Variants in CENPU observed in about 807,000 individuals in gnomAD.
The protein encoded by CENPU is centromere protein U.
In CENPU, 46 loss-of-function variants were observed where a neutral mutation model predicts 56.7. That is an observed-to-expected ratio of 0.81 (90% confidence interval 0.64 to 1.04). The LOEUF (loss-of-function observed/expected upper bound fraction) is 1.04, where lower values mean the gene tolerates loss of function less well. CENPU is among the 50% of genes least tolerant of loss of function. The pLI is 0.00. For missense variants in CENPU, 510 were observed against 490.1 expected (o/e 1.04, Z -0.38); for synonymous variants, 166 against 163.0 (o/e 1.02, Z -0.14).
intron 11 of CENPU, chr4:184,698,134 G>A (rs753454350): frequency 1.8e-4 from 38 of 213,816 alleles, no homozygotes; most frequent in Admixed American, 8.0e-4. Flanking sequence ...TCGCACCAGC[G>A]GAGCCAGGCA....
chr4:184,697,918 G>T, intron 11 of CENPU, 115 bp from the exon 12 acceptor site: 1 of 678,090 alleles, frequency 1.5e-6, no homozygotes, highest in East Asian at 2.8e-5. Context: ...TAGATGACTT[G>T]CTTTGGCTCT....
At chr4:184,719,822 G>A (rs1761216006) in intron 4 of CENPU, among the ~76,000 whole-genome samples, 1 of 152,178 alleles carries the variant, frequency 6.6e-6, no homozygotes, top group African/African-American at 2.4e-5. Flanking sequence ...GTAGCATAGG[G>A]CACCAGTCAG....
chr4:184,733,958 G>C, intron 1 of CENPU, 58 bp downstream of exon 1: 1 of 1,606,518 alleles, frequency 6.2e-7, no homozygotes, highest in Non-Finnish European at 8.5e-7. Context: ...CACGGCAGGC[G>C]AGGAAGCAGT....
chr4:184,706,266 G>T (rs1485549272), intron 8 of CENPU, among the ~76,000 whole-genome samples: 1 of 152,180 alleles, frequency 6.6e-6, no homozygotes, highest in Non-Finnish European at 1.5e-5. Flanking sequence ...CTACTCTGGA[G>T]GCTGAGATGG....
At chr4:184,713,656 C>A (rs1760996548) in intron 6 of CENPU, among the ~76,000 whole-genome samples, 1 of 152,110 alleles carries the variant, frequency 6.6e-6, no homozygotes, top group Non-Finnish European at 1.5e-5. Flanking sequence ...GCTCTCTTGC[C>A]ATAAACAACC....
intron 12 of CENPU, among the ~76,000 whole-genome samples, chr4:184,696,443 A>T (rs193158211): frequency 2.1e-4 from 32 of 152,320 alleles, no homozygotes; most frequent in Admixed American, 2.0e-3. Flanking sequence ...GCTTTTAACC[A>T]AAGTATTATG....
chr4:184,695,434 C>A lies in CENPU; in HGVS notation c.1144-33G>T, dbSNP rs376593392. On this transcript the variant is annotated intron_variant, in intron 12 of 12. Transcript: ENST00000281453. ...AAGAAAATTATATAATTAGCAATAT[C>A]AAAAACTCATAACCTTGTCCTTAGA... The A allele has an allele frequency of 6.8e-5, 100 of 1,478,426 alleles. No homozygotes were observed. The Middle Eastern group carries it at 6.9e-4, about 10-fold the overall frequency. The allele number at this position is 1,478,426 out of a possible 1,614,324, so 91.6% of individuals were successfully genotyped here. A position where few individuals can be genotyped will look rare whatever the true frequency, so the allele number is the denominator to read the frequency against.
At position 184,701,384 on chromosome 4, in the gene CENPU, T is replaced by G. The variant is rs1760530756; in HGVS notation, c.925-503A>C. ...GAAATGACCAATAAGAGATTAAAAC[T>G]GAAAAACAAAAACATCCCAGAGCTT... On this transcript the variant is annotated intron_variant, in intron 10 of 12. Transcript: ENST00000281453. Among the ~76,000 whole-genome samples, 4 of 152,294 alleles carry G rather than the reference T, an allele frequency of 2.6e-5. No individual in the cohort carries two copies. The South Asian group carries it at 8.3e-4, about 32-fold the overall frequency.
At chr4:184,722,182 C>T (rs4437295) in intron 4 of CENPU, among the ~76,000 whole-genome samples, 27,123 of 151,980 alleles carry the variant, frequency 0.18, 2,724 homozygotes, top group African/African-American at 0.26. Flanking sequence ...GAAAATTTTC[C>T]TGAGACAAAT....
chr4:184,726,356 TAAG>T (rs1207999657), intron 3 of CENPU, among the ~76,000 whole-genome samples: 40 of 147,802 alleles, frequency 2.7e-4, no homozygotes. Context: ...TAATCATACA[TAAG>T]AAGGTCAAAG....
chr4:184,718,744 T>C (rs927591431), intron 4 of CENPU, among the ~76,000 whole-genome samples: 4 of 152,128 alleles, frequency 2.6e-5, no homozygotes, highest in African/African-American at 9.7e-5. Context: ...AAACCAAGAC[T>C]GATTGCCCAG....
chr4:184,732,171 A>T (rs1462539631), intron 1 of CENPU, among the ~76,000 whole-genome samples: 20 of 152,156 alleles, frequency 1.3e-4, no homozygotes, highest in Admixed American at 1.3e-3. Flanking sequence ...TATGTTCACA[A>T]GCCTTTTGTT....
chr4:184,695,071 A>G lies in CENPU; in HGVS notation c.*217T>C. On this transcript the variant is annotated 3_prime_UTR_variant, in exon 13 of 13. Coordinates refer to ENST00000281453, the MANE Select transcript of CENPU (RefSeq NM_024629.4). ...GGTGTCAACATTTTAAAATTACTCA[A>G]GATATTAACCAGAAAAGATGATTAT... 1 of 536,294 alleles carries G rather than the reference A, an allele frequency of 1.9e-6. No individual in the cohort carries two copies. The allele number at this position is 536,294 out of a possible 1,614,324, so 33.2% of individuals were successfully genotyped here. A position where few individuals can be genotyped will look rare whatever the true frequency, so the allele number is the denominator to read the frequency against.
chr4:184,708,964 T>C (rs1579769632), intron 8 of CENPU, among the ~76,000 whole-genome samples: 1 of 152,124 alleles, frequency 6.6e-6, no homozygotes, highest in Non-Finnish European at 1.5e-5. Flanking sequence ...TGGGGAGTTA[T>C]AAATACAACT....
intron 8 of CENPU, among the ~76,000 whole-genome samples, chr4:184,704,286 G>A (rs915078675): frequency 4.0e-5 from 6 of 151,842 alleles, no homozygotes; most frequent in Middle Eastern, 6.3e-3. Context: ...ATGTTGCCCA[G>A]GCTCATTTTT....
Position 184,700,135 on chromosome 4 carries a change from G to T in CENPU, c.986+685C>A, listed in dbSNP as rs573073805. Among the ~76,000 whole-genome samples the T allele has an allele frequency of 2.4e-4, 37 of 152,232 alleles. 1 individual carries two copies. Among genetic ancestry groups the T allele is most frequent in the African/African-American group, 8.4e-4 (35 of 41,544 alleles). ...GCCTCTAGCTCTCACAACAGCCCTG[G>T]CCTCAAAACACACTTGGGGGCTGAC... On this transcript the variant is annotated intron_variant, in intron 11 of 12. Coordinates refer to ENST00000281453, the MANE Select transcript of CENPU (RefSeq NM_024629.4).
chr4:184,694,751 A>G lies in CENPU; in HGVS notation c.*537T>C, dbSNP rs756273134. 8.1e-6 allele frequency: 13 copies of G among 1,612,294 alleles called. No individual in the cohort carries two copies. The South Asian group carries it at 1.4e-4, about 18-fold the overall frequency. The stretch of plus-strand genomic sequence containing the variant: ...AGTGAAGTGGATGAAATTCCTGATG[A>G]ACTAATTATAGAAGTATTACAAGAG... On this transcript the variant is annotated 3_prime_UTR_variant, in exon 13 of 13. Coordinates refer to ENST00000281453, the MANE Select transcript of CENPU (RefSeq NM_024629.4).
At chr4:184,713,618 C>G (rs1302112931) in intron 6 of CENPU, among the ~76,000 whole-genome samples, 1 of 152,114 alleles carries the variant, frequency 6.6e-6, no homozygotes, top group African/African-American at 2.4e-5. Context: ...TCTGTTCCAG[C>G]TATGGTGAAG....
intron 8 of CENPU, among the ~76,000 whole-genome samples, chr4:184,707,380 G>A (rs1362423036): frequency 6.6e-6 from 1 of 152,000 alleles, no homozygotes; most frequent in African/African-American, 2.4e-5. Context: ...CCTGCCCCCT[G>A]CAGCAACTGA....
Sources: allele counts gnomAD v4.1 joint callset (sites outside exome capture counted in the v4.1 genomes callset), GRCh38; gene constraint gnomAD v4.1.1; transcripts MANE v1.5; gene names NCBI Gene and HGNC (gene_info 2026-07-23, HGNC 2026-07-21).